COG7: variants seen among roughly 807,000 people sequenced by gnomAD.
COG7 encodes the protein component of oligomeric golgi complex 7.
COG7 carries 49 observed loss-of-function variants against 91.5 expected under a neutral mutation model. That is an observed-to-expected ratio of 0.54 (90% CI 0.43 to 0.68). The LOEUF (loss-of-function observed/expected upper bound fraction) is 0.68, where lower values mean the gene tolerates loss of function less well. COG7 is among the 30% of genes least tolerant of loss of function. COG7 has a pLI of 0.00. For synonymous variants in COG7, 365 were observed against 388.7 expected (o/e 0.94, Z 0.72); for missense variants, 895 against 961.3 (o/e 0.93, Z 0.91).
chr16:23,421,406 C>T (rs907769652), intron 7 of COG7, among the ~76,000 whole-genome samples: 4 of 150,236 alleles, frequency 2.7e-5, no homozygotes, highest in Non-Finnish European at 1.5e-5. Context: ...ATCATTAATT[C>T]TTATAATACA....
intron 16 of COG7, chr16:23,389,860 C>G (rs1182420525): frequency 6.6e-6 from 1 of 152,200 alleles, no homozygotes; most frequent in Non-Finnish European, 1.5e-5. Context: ...GTTCTAACCA[C>G]CAGGCAAGCT....
chr16:23,421,889 A>G (rs1567338791), intron 7 of COG7, among the ~76,000 whole-genome samples: 3 of 151,762 alleles, frequency 2.0e-5, no homozygotes, highest in Non-Finnish European at 4.4e-5. Flanking sequence ...TGTGACAAGT[A>G]TCTTCAAAGT....
intron 15 of COG7, among the ~76,000 whole-genome samples, chr16:23,392,757 C>A (rs998865451): frequency 4.6e-5 from 7 of 151,998 alleles, no homozygotes; most frequent in Non-Finnish European, 8.8e-5. Flanking sequence ...TGGTGAAACC[C>A]CCGTCTCTGC....
Position 23,445,176 on chromosome 16 carries a change from G to A in COG7, c.319-12C>T, listed in dbSNP as rs201965984. The A allele has an allele frequency of 3.0e-4, 469 of 1,587,734 alleles. 6 individuals are homozygous for A. Among genetic ancestry groups the A allele is most frequent in the African/African-American group, 2.2e-3 (167 of 74,520 alleles). On this transcript the variant is annotated splice_polypyrimidine_tract_variant and intron_variant, in intron 2 of 16. Transcript: ENST00000307149. The stretch of plus-strand genomic sequence containing the variant: ...ATTTCTACCAACACCTGAAAGAGGC[G>A]TGAGGGGTGAAAAATGAAGGGGTAG...
chr16:23,442,668 A>G, intron 3 of COG7, 23 bp from the exon 4 acceptor site: 1 of 1,601,060 alleles, frequency 6.2e-7, no homozygotes, highest in Non-Finnish European at 8.6e-7. Context: ...AGAATAGAGA[A>G]TATTTATTTT....
chr16:23,441,298 G>C (rs1964097045), intron 4 of COG7, among the ~76,000 whole-genome samples: 1 of 152,194 alleles, frequency 6.6e-6, no homozygotes, highest in African/African-American at 2.4e-5. Flanking sequence ...TACTTGGCCA[G>C]GCATGGTGGC....
chr16:23,403,039 C>T (rs117906081), intron 13 of COG7, among the ~76,000 whole-genome samples: 1,618 of 152,314 alleles, frequency 0.011, 17 homozygotes, highest in Non-Finnish European at 0.015. Flanking sequence ...GATACATTAA[C>T]CAGGGGGCTG....
intron 7 of COG7, among the ~76,000 whole-genome samples, chr16:23,423,340 C>G (rs1193272436): frequency 2.0e-5 from 3 of 152,220 alleles, no homozygotes; most frequent in Non-Finnish European, 4.4e-5. Context: ...GCACTCCAGC[C>G]TGGGCGAGAG....
intron 11 of COG7, among the ~76,000 whole-genome samples, chr16:23,410,059 A>G (rs751538237): frequency 1.3e-5 from 2 of 152,236 alleles, no homozygotes; most frequent in Non-Finnish European, 2.9e-5. Context: ...TGAAACCACC[A>G]TATCAAACCA....
intron 6 of COG7, among the ~76,000 whole-genome samples, chr16:23,426,818 C>CAAAAAAAAAAAAAAAAAAAGAAA (rs1963854114): frequency 1.7e-5 from 1 of 60,346 alleles, no homozygotes; most frequent in Non-Finnish European, 3.3e-5. Flanking sequence ...AGCAATTGGA[C>CAAAAAAAAAAAAAAAAAAAGAAA]AAAAAAAAAA....
intron 1 of COG7, 23 bp from the exon 2 acceptor site, chr16:23,445,984 AAAC>A (rs764090829): frequency 1.9e-4 from 303 of 1,596,954 alleles, no homozygotes; most frequent in African/African-American, 1.4e-3. Context: ...AAAAAAAAAA[AAAC>A]AACAACAACA....
At chr16:23,395,792 T>G (rs1047628339) in intron 14 of COG7, among the ~76,000 whole-genome samples, 1 of 152,252 alleles carries the variant, frequency 6.6e-6, no homozygotes, top group African/African-American at 2.4e-5. Context: ...TTTCTTGATA[T>G]CCTGGTTGGG....
Position 23,398,102 on chromosome 16 carries a change from T to A in COG7, c.1831A>T (p.Thr611Ser). The part of the protein sequence containing the change: ...DSWNTAGIGE[T>S]LTDELPAFSL... Reference sequence around the variant, plus strand: ...AAGGCGGGCAGTTCATCTGTGAGGGTTTCTCCGATGCCAGCCGTATTCCAG... The same window carrying A: ...AAGGCGGGCAGTTCATCTGTGAGGGATTCTCCGATGCCAGCCGTATTCCAG... Residue 611 changes from threonine to serine, a missense_variant, in exon 14 of 17, where the codon ACC becomes TCC. Physicochemically the swap from Thr to Ser is moderately conservative, Grantham distance 58. Transcript: ENST00000307149. 1.2e-6 allele frequency: 2 copies of A among 1,613,922 alleles called. No individual in the cohort carries two copies. The highest frequency in any genetic ancestry group is 3.3e-5 in the Admixed American group (2 of 59,988).
chr16:23,449,159 C>G (rs991647455), intron 1 of COG7, among the ~76,000 whole-genome samples: 1 of 151,688 alleles, frequency 6.6e-6, no homozygotes, highest in Non-Finnish European at 1.5e-5. Context: ...GTCAGGAGAT[C>G]GAGACCATTC....
Position 23,388,874 on chromosome 16 carries a change from C to T in COG7, c.*46G>A, listed in dbSNP as rs747871399. On this transcript the variant is annotated 3_prime_UTR_variant, in exon 17 of 17. Transcript: ENST00000307149. The stretch of plus-strand genomic sequence containing the variant: ...TGAGCAAATCTGTGCTGGTGAGTCG[C>T]GAAACAGCAGCCCTGGCTCTCTTGG... 2.0e-5 allele frequency: 32 copies of T among 1,612,102 alleles called. No homozygotes were observed. In the East Asian group the frequency reaches 4.0e-4, roughly 20 times the overall value.
At chr16:23,439,654 T>C (rs1425895618) in intron 4 of COG7, among the ~76,000 whole-genome samples, 1 of 152,154 alleles carries the variant, frequency 6.6e-6, no homozygotes, top group South Asian at 2.1e-4. Context: ...GTCAAATTCA[T>C]AGGGACAAAA....
intron 14 of COG7, among the ~76,000 whole-genome samples, chr16:23,394,171 A>C (rs1249717238): frequency 6.6e-6 from 1 of 152,180 alleles, no homozygotes; most frequent in East Asian, 1.9e-4. Flanking sequence ...TATAACTATA[A>C]ATTACTTTGG....
chr16:23,449,767 AC>A (rs1222377029), intron 1 of COG7, among the ~76,000 whole-genome samples: 2 of 150,650 alleles, frequency 1.3e-5, no homozygotes, highest in Non-Finnish European at 3.0e-5. Context: ...AAAAAAAAAA[AC>A]CTCCCACCAA....
At chr16:23,429,347 C>A (rs1237058118) in intron 6 of COG7, among the ~76,000 whole-genome samples, 2 of 151,398 alleles carry the variant, frequency 1.3e-5, no homozygotes, top group Admixed American at 1.3e-4. Context: ...AATTCCACTC[C>A]TAGGTATTTA....
Sources: gnomAD v4.1 joint callset for allele counts (sites outside exome capture counted in the v4.1 genomes callset) on GRCh38, gnomAD v4.1.1 for gene constraint, MANE v1.5 for transcripts, NCBI Gene and HGNC (gene_info 2026-07-23, HGNC 2026-07-21) for gene names.